Variants in HECTD2 observed in about 807,000 individuals in gnomAD.
HECTD2 encodes HECT domain E3 ubiquitin protein ligase 2.
HECTD2 carries 35 observed loss-of-function variants against 103.2 expected under a neutral mutation model. The observed-to-expected ratio is 0.34, with a 90% CI of 0.26 to 0.45. HECTD2 has a LOEUF of 0.45. Among genes scored for constraint, HECTD2 ranks in the 20% least tolerant of loss-of-function variants. HECTD2 has a pLI of 1.00. For missense variants in HECTD2, 596 were observed against 937.4 expected (o/e 0.64, Z 4.76); for synonymous variants, 281 against 329.9 (o/e 0.85, Z 1.61).
intron 2 of HECTD2, among the ~76,000 whole-genome samples, chr10:91,435,926 A>G (rs1459888484): frequency 1.3e-5 from 2 of 151,690 alleles, no homozygotes; most frequent in Non-Finnish European, 2.9e-5. Flanking sequence ...CTTTTGCTTT[A>G]TGATTTAGGG....
At chr10:91,427,807 T>A (rs1843636406) in intron 2 of HECTD2, among the ~76,000 whole-genome samples, 1 of 152,084 alleles carries the variant, frequency 6.6e-6, no homozygotes, top group Non-Finnish European at 1.5e-5. Context: ...TTGCGAAAAA[T>A]TTTTCCCATT....
At chr10:91,432,896 T>A (rs577369137) in intron 2 of HECTD2, among the ~76,000 whole-genome samples, 2 of 152,094 alleles carry the variant, frequency 1.3e-5, no homozygotes, top group South Asian at 4.1e-4. Context: ...TCAGCTGAAA[T>A]CGCAATTGGA....
At chr10:91,453,910 T>C (rs969603134) in intron 2 of HECTD2, among the ~76,000 whole-genome samples, 12 of 152,018 alleles carry the variant, frequency 7.9e-5, no homozygotes, top group Non-Finnish European at 2.9e-5. Flanking sequence ...AAAGTGGACT[T>C]AGAACAAAGA....
chr10:91,427,486 G>A (rs1409102332), intron 2 of HECTD2, among the ~76,000 whole-genome samples: 3 of 152,008 alleles, frequency 2.0e-5, no homozygotes, highest in Non-Finnish European at 4.4e-5. Context: ...GAGTGTTCCT[G>A]TCTCACCACA....
At chr10:91,470,982 A>G (rs1483780718) in intron 5 of HECTD2, among the ~76,000 whole-genome samples, 2 of 146,348 alleles carry the variant, frequency 1.4e-5, no homozygotes, top group East Asian at 1.9e-4. Flanking sequence ...AGACACACAC[A>G]CACACACGCA....
Position 91,492,538 on chromosome 10 carries a change from G to A in HECTD2, c.1432+54G>A, listed in dbSNP as rs74882783. The A allele has an allele frequency of 2.0e-3, 2,588 of 1,324,988 alleles. 39 individuals are homozygous for A. In the African/African-American group the frequency reaches 0.028, roughly 14 times the overall value. 82.1% of individuals were successfully genotyped at this position (1,324,988 alleles called of 1,614,324 possible). A position where few individuals can be genotyped will look rare whatever the true frequency, so the allele number is the denominator to read the frequency against. ...TGTGTTTCTTCATAATTGTTAGAGT[G>A]AAGTAGTCACCCTTATTTTTAACCT... On this transcript the variant is annotated intron_variant, in intron 13 of 20. Coordinates refer to ENST00000298068, the MANE Select transcript of HECTD2 (RefSeq NM_182765.6).
intron 2 of HECTD2, among the ~76,000 whole-genome samples, chr10:91,434,555 G>A (rs1248744247): frequency 6.6e-6 from 1 of 151,856 alleles, no homozygotes; most frequent in African/African-American, 2.4e-5. Flanking sequence ...TTACACCTAC[G>A]TTTTATTATT....
intron 2 of HECTD2, among the ~76,000 whole-genome samples, chr10:91,425,849 G>T (rs113314450): frequency 5.3e-5 from 8 of 151,726 alleles, no homozygotes; most frequent in African/African-American, 1.9e-4. Flanking sequence ...AAGACCAAAA[G>T]GTAGTTTGAA....
At chr10:91,499,542 C>T (rs530748242) in intron 18 of HECTD2, among the ~76,000 whole-genome samples, 2 of 152,266 alleles carry the variant, frequency 1.3e-5, no homozygotes, top group South Asian at 4.1e-4. Flanking sequence ...CTTCCTGCTA[C>T]CTCAGGGCTC....
At chr10:91,504,973 C>A (rs977728190) in intron 20 of HECTD2, among the ~76,000 whole-genome samples, 2 of 152,160 alleles carry the variant, frequency 1.3e-5, no homozygotes, top group African/African-American at 4.8e-5. Flanking sequence ...GACCAATATT[C>A]AACATTCTTA....
In HECTD2 at chr10:91,437,571, CAT is replaced by C. The variant is rs1355198009; in HGVS notation, c.268+12163_268+12164del. ...GGGGGAGTATAAAATAATGTACAGA[CAT>C]AATGTAGATCCAGAAAAAGAAGACA... is the stretch of plus-strand genomic sequence containing the variant. On this transcript the variant is annotated intron_variant, in intron 2 of 20. Transcript: ENST00000298068. 3.4e-5 allele frequency among the ~76,000 whole-genome samples: 5 copies of C among 148,218 alleles called. No homozygotes were observed. The South Asian group carries it at 1.1e-3, about 32-fold the overall frequency.
Position 91,499,163 on chromosome 10 carries a change from C to A in HECTD2, c.1950+13C>A. On this transcript the variant is annotated intron_variant, in intron 18 of 20. Coordinates refer to ENST00000298068, the MANE Select transcript of HECTD2 (RefSeq NM_182765.6). ...AAATGCCCTAATGGTGAGTTTATAA[C>A]TTTAAATCAAGCTTTCGGTTAGCTT... The A allele has an allele frequency of 2.0e-6, 3 of 1,515,592 alleles. No homozygotes were observed. The highest frequency in any genetic ancestry group is 2.7e-6 in the Non-Finnish European group (3 of 1,094,510). 93.9% of individuals were successfully genotyped at this position (1,515,592 alleles called of 1,614,324 possible).
At chr10:91,467,181 T>C (rs1238538084) in intron 5 of HECTD2, among the ~76,000 whole-genome samples, 1 of 152,156 alleles carries the variant, frequency 6.6e-6, no homozygotes, top group Non-Finnish European at 1.5e-5. Context: ...AGCAGCCTGC[T>C]CTTGCCACGG....
At chr10:91,468,130 G>T (rs145963596) in intron 5 of HECTD2, among the ~76,000 whole-genome samples, 1 of 152,218 alleles carries the variant, frequency 6.6e-6, no homozygotes, top group Admixed American at 6.5e-5. Flanking sequence ...CCCCAGTCAA[G>T]TGTTTTGTCT....
At chr10:91,477,610 A>G (rs1241072631) in intron 5 of HECTD2, among the ~76,000 whole-genome samples, 1 of 152,192 alleles carries the variant, frequency 6.6e-6, no homozygotes, top group African/African-American at 2.4e-5. Context: ...GCTGATAGAC[A>G]TGTCTTGGAA....
intron 20 of HECTD2, among the ~76,000 whole-genome samples, chr10:91,503,062 T>G (rs1846969188): frequency 1.3e-5 from 2 of 152,200 alleles, no homozygotes; most frequent in Non-Finnish European, 2.9e-5. Context: ...TAGATTTTTG[T>G]TAAATAAGAA....
chr10:91,472,552 A>G (rs1210113624), intron 5 of HECTD2, among the ~76,000 whole-genome samples: 2 of 152,352 alleles, frequency 1.3e-5, no homozygotes, highest in East Asian at 1.9e-4. Context: ...TTTGCAAACT[A>G]TGCATCCAAC....
chr10:91,425,994 T>C (rs894894239), intron 2 of HECTD2, among the ~76,000 whole-genome samples: 6 of 151,998 alleles, frequency 3.9e-5, no homozygotes, highest in Non-Finnish European at 8.8e-5. Context: ...ATACTGCAAA[T>C]ACTATGCTTC....
intron 5 of HECTD2, among the ~76,000 whole-genome samples, chr10:91,471,528 T>A (rs1377763026): frequency 6.6e-6 from 1 of 152,106 alleles, no homozygotes; most frequent in Non-Finnish European, 1.5e-5. Flanking sequence ...GGAAGTCAAA[T>A]CTTTGCAGAT....
Sources: allele counts gnomAD v4.1 joint callset (sites outside exome capture counted in the v4.1 genomes callset), GRCh38; gene constraint gnomAD v4.1.1; transcripts MANE v1.5; gene names NCBI Gene and HGNC (gene_info 2026-07-23, HGNC 2026-07-21).